The following GRIK2 variants were observed in gnomAD, a reference collection of about 807,000 sequenced individuals.
The protein encoded by GRIK2 is glutamate receptor ionotropic, kainate 2.
GRIK2 carries 32 observed loss-of-function variants against 100.3 expected under a neutral mutation model. The observed-to-expected ratio is 0.32, with a 90% CI of 0.24 to 0.43. The LOEUF (loss-of-function observed/expected upper bound fraction) is 0.43, where lower values mean the gene tolerates loss of function less well. Ranked by LOEUF, GRIK2 falls within the 20% of genes least tolerant of loss-of-function variation. GRIK2 has a pLI of 1.00. For synonymous variants in GRIK2, 417 were observed against 389.4 expected (o/e 1.07, Z -0.83); for missense variants, 843 against 1,114.9 (o/e 0.76, Z 3.47).
chr6:101,859,234 G>T (rs1784603911), intron 10 of GRIK2, 53 bp from the exon 11 acceptor site: 5 of 898,536 alleles, frequency 5.6e-6, no homozygotes, highest in Non-Finnish European at 9.1e-6. Context: ...TAATTCTGAT[G>T]ATGAGTTTCA....
chr6:101,846,078 G>T (rs1397272921), intron 10 of GRIK2, among the ~76,000 whole-genome samples: 1 of 151,630 alleles, frequency 6.6e-6, no homozygotes, highest in African/African-American at 2.4e-5. Flanking sequence ...TCAGTTATAT[G>T]ATTCACAATA....
intron 12 of GRIK2, among the ~76,000 whole-genome samples, chr6:101,902,180 C>T (rs1009524590): frequency 5.3e-5 from 8 of 151,856 alleles, no homozygotes; most frequent in African/African-American, 1.7e-4. Flanking sequence ...ATGGGAGGGT[C>T]ACCGAATACA....
chr6:101,766,682 G>T (rs1778063832), intron 7 of GRIK2, among the ~76,000 whole-genome samples: 1 of 152,142 alleles, frequency 6.6e-6, no homozygotes, highest in African/African-American at 2.4e-5. Context: ...TCACAACTCT[G>T]CTCAAGACAG....
intron 4 of GRIK2, among the ~76,000 whole-genome samples, chr6:101,671,150 G>A (rs1770402755): frequency 6.6e-6 from 1 of 152,030 alleles, no homozygotes; most frequent in Admixed American, 6.5e-5. Flanking sequence ...TTTAAAATGG[G>A]AACAATTTAG....
intron 2 of GRIK2, among the ~76,000 whole-genome samples, chr6:101,549,852 A>G (rs891175106): frequency 6.6e-6 from 1 of 152,212 alleles, no homozygotes; most frequent in East Asian, 1.9e-4. Context: ...AGTGAGAACT[A>G]TAATTATCCC....
At chr6:101,598,800 T>G (rs1423906854) in intron 2 of GRIK2, among the ~76,000 whole-genome samples, 1 of 151,682 alleles carries the variant, frequency 6.6e-6, no homozygotes, top group Non-Finnish European at 1.5e-5. Context: ...GAGGCTATTA[T>G]GTCCTCATTT....
chr6:102,048,939 A>G (rs1411577423), intron 15 of GRIK2, among the ~76,000 whole-genome samples: 1 of 152,144 alleles, frequency 6.6e-6, no homozygotes, highest in Admixed American at 6.5e-5. Flanking sequence ...AGCAATACCC[A>G]GTAAGCCCTT....
At chr6:101,664,269 C>A (rs1411547848) in intron 4 of GRIK2, among the ~76,000 whole-genome samples, 2 of 152,134 alleles carry the variant, frequency 1.3e-5, no homozygotes, top group African/African-American at 4.8e-5. Context: ...AGCAGCTGTA[C>A]AAACAGGACA....
At chr6:101,803,839 G>C (rs1780820909) in intron 9 of GRIK2, among the ~76,000 whole-genome samples, 1 of 151,834 alleles carries the variant, frequency 6.6e-6, no homozygotes, top group Admixed American at 6.6e-5. Context: ...GTGGCTTACA[G>C]ATACGCCTGA....
chr6:101,641,916 C>T (rs1781292404), intron 4 of GRIK2, among the ~76,000 whole-genome samples: 1 of 151,810 alleles, frequency 6.6e-6, no homozygotes, highest in African/African-American at 2.4e-5. Flanking sequence ...CCAAATTATG[C>T]AGGACAAAGT....
At chr6:101,801,163 T>C (rs1780644492) in intron 8 of GRIK2, among the ~76,000 whole-genome samples, 1 of 152,090 alleles carries the variant, frequency 6.6e-6, no homozygotes, top group African/African-American at 2.4e-5. Flanking sequence ...TTCTTTATGC[T>C]CTCTCTACCC....
intron 2 of GRIK2, among the ~76,000 whole-genome samples, chr6:101,482,983 A>T (rs1772613522): frequency 6.6e-6 from 1 of 152,226 alleles, no homozygotes; most frequent in Admixed American, 6.5e-5. Context: ...ATAAACAATT[A>T]TTTACATCCA....
chr6:101,874,613 GT>G, intron 11 of GRIK2, among the ~76,000 whole-genome samples: 1 of 152,188 alleles, frequency 6.6e-6, no homozygotes, highest in Non-Finnish European at 1.5e-5. Context: ...TTTTAAAGTA[GT>G]TTTTTCCAGT....
chr6:101,858,376 A>ATTTTTTTTTTTTTTTTTTTTTTTT (rs66505184), intron 10 of GRIK2, among the ~76,000 whole-genome samples: 1 of 125,468 alleles, frequency 8.0e-6, no homozygotes. Context: ...CTCTCTCTCT[A>ATTTTTTTTTTTTTTTTTTTTTTTT]TTTTTTTTTC....
chr6:101,583,033 A>G (rs1444312329), intron 2 of GRIK2, among the ~76,000 whole-genome samples: 2 of 152,146 alleles, frequency 1.3e-5, no homozygotes, highest in Non-Finnish European at 2.9e-5. Context: ...TAAGGAGACA[A>G]TCAGGCAAGG....
At chr6:102,001,142 G>T (rs1449341144) in intron 14 of GRIK2, among the ~76,000 whole-genome samples, 2 of 150,654 alleles carry the variant, frequency 1.3e-5, no homozygotes, top group Non-Finnish European at 2.9e-5. Flanking sequence ...AAACCCAAAT[G>T]CCCGCTAGGT....
chr6:101,727,242 T>C (rs911767932), intron 7 of GRIK2, among the ~76,000 whole-genome samples: 2 of 152,132 alleles, frequency 1.3e-5, no homozygotes, highest in Non-Finnish European at 2.9e-5. Flanking sequence ...TTCTGATTTA[T>C]GTGCTCCTTA....
At chr6:101,705,492 G>C (rs1562323183) in intron 7 of GRIK2, among the ~76,000 whole-genome samples, 1 of 151,714 alleles carries the variant, frequency 6.6e-6, no homozygotes, top group Non-Finnish European at 1.5e-5. Context: ...ACTGGTCATT[G>C]GTTATTAGAA....
chr6:101,460,898 A>G (rs1455605062), intron 2 of GRIK2, among the ~76,000 whole-genome samples: 1 of 152,164 alleles, frequency 6.6e-6, no homozygotes, highest in Non-Finnish European at 1.5e-5. Context: ...ACTCCTTATA[A>G]TGAAATTTAT....
Sources: gnomAD v4.1 joint callset for allele counts (sites outside exome capture counted in the v4.1 genomes callset) on GRCh38, gnomAD v4.1.1 for gene constraint, MANE v1.5 for transcripts, NCBI Gene and HGNC (gene_info 2026-07-23, HGNC 2026-07-21) for gene names.